Variants in CYP2S1 observed in about 807,000 individuals in gnomAD.
CYP2S1 encodes the protein cytochrome P450 family 2 subfamily S member 1, also known as cytochrome P450 2S1.
A neutral mutation model predicts 43.5 loss-of-function variants in CYP2S1; 32 were observed. The observed-to-expected ratio is 0.74, with a 90% CI of 0.56 to 0.99. CYP2S1 has a LOEUF of 0.99. CYP2S1 is among the 50% of genes least tolerant of loss of function. CYP2S1 has a pLI of 0.00. For missense variants in CYP2S1, 575 were observed against 673.9 expected, an observed-to-expected ratio of 0.85 and a Z score of 1.62; for synonymous variants, 283 against 302.9, an observed-to-expected ratio of 0.93 and a Z score of 0.68.
intron 1 of CYP2S1, 45 bp from the exon 2 acceptor site, chr19:41,194,499 C>T (rs771576619): frequency 1.2e-5 from 18 of 1,507,590 alleles, no homozygotes; most frequent in Admixed American, 2.4e-5. Context: ...CACCTTGGAT[C>T]GAAGAGGTCA....
rs748252886 is a variant in CYP2S1 at position 41,206,486 on chromosome 19, T to C, written c.1513T>C (p.Ter505ArgextTer94). ...CCTTCACTCCACCACGCAGACCAGA[T>C]GAAGGAAGGCAACTTGGAAGTGGTG... ...TDLHSTTQTR[*>R] The change falls in exon 9 of 9, where the codon TGA becomes CGA. Residue 505 changes from the stop codon to arginine, a stop_lost. Transcript: ENST00000310054. 4 of 1,613,956 alleles carry C rather than the reference T, an allele frequency of 2.5e-6. No individual in the cohort carries two copies. The highest frequency in any genetic ancestry group is 2.2e-5 in the East Asian group (1 of 44,872).
At position 41,198,035 on chromosome 19, in the gene CYP2S1, G is replaced by A. The variant is rs2033437539; in HGVS notation, c.493+107G>A. 10 of 1,439,472 alleles carry A rather than the reference G, an allele frequency of 6.9e-6. No homozygotes were observed. Among genetic ancestry groups the A allele is most frequent in the Non-Finnish European group, 9.2e-7 (1 of 1,090,140 alleles). 89.2% of individuals were successfully genotyped at this position (1,439,472 alleles called of 1,614,324 possible). A position where few individuals can be genotyped will look rare whatever the true frequency, so the allele number is the denominator to read the frequency against. ...CCAGGTCCTGGAATGGGCAGGAGGG[G>A]AAGCCTTGAACTCTAGGGCTGGCCT... On this transcript the variant is annotated intron_variant, in intron 3 of 8. Coordinates refer to ENST00000310054, the MANE Select transcript of CYP2S1 (RefSeq NM_030622.8). The surrounding 1 kb of genome is among the most constrained non-coding windows in gnomAD (Gnocchi z 4.9).
intron 7 of CYP2S1, among the ~76,000 whole-genome samples, chr19:41,204,906 T>G (rs1361337610): frequency 1.3e-5 from 2 of 152,070 alleles, no homozygotes; most frequent in Non-Finnish European, 2.9e-5. Flanking sequence ...TACCCCCTCC[T>G]GTTTTGTAGA....
rs10409681 is a variant in CYP2S1 at position 41,201,591 on chromosome 19, G to A, written c.976+219G>A. 4.0e-3 allele frequency among the ~76,000 whole-genome samples: 610 copies of A among 152,152 alleles called. 6 individuals are homozygous for A. The highest frequency in any genetic ancestry group is 0.014 in the African/African-American group (572 of 41,526). On this transcript the variant is annotated intron_variant, in intron 6 of 8. Coordinates refer to ENST00000310054, the MANE Select transcript of CYP2S1 (RefSeq NM_030622.8). Reference sequence around the variant, plus strand: ...GTGGTGGCATGCACTTGTAATCCCAGCACTCAGGTGGCTGAGGAGTGAGAA... The same window carrying A: ...GTGGTGGCATGCACTTGTAATCCCAACACTCAGGTGGCTGAGGAGTGAGAA...
chr19:41,201,978 T>C (rs2033495562), intron 6 of CYP2S1, among the ~76,000 whole-genome samples: 2 of 151,938 alleles, frequency 1.3e-5, no homozygotes, highest in African/African-American at 4.8e-5. Context: ...ATTGGTTTTT[T>C]ATTTTTATTT....
chr19:41,198,100 T>C lies in CYP2S1; in HGVS notation c.493+172T>C, dbSNP rs2033438354. Among the ~76,000 whole-genome samples the C allele has an allele frequency of 6.6e-6, 1 of 152,154 alleles. No homozygotes were observed. Among genetic ancestry groups the C allele is most frequent in the Non-Finnish European group, 1.5e-5 (1 of 68,030 alleles). On this transcript the variant is annotated intron_variant, in intron 3 of 8. Coordinates refer to ENST00000310054, the MANE Select transcript of CYP2S1 (RefSeq NM_030622.8). The surrounding 1 kb of genome is among the most constrained non-coding windows in gnomAD (Gnocchi z 4.9). ...CTGCCACCTTCTGTCTCTGTCCCAC[T>C]GTCTCTCCGAGGCTGTCATGACATC...
intron 5 of CYP2S1, 54 bp from the exon 6 acceptor site, chr19:41,201,177 C>T: frequency 6.3e-7 from 1 of 1,592,396 alleles, no homozygotes; most frequent in Non-Finnish European, 8.6e-7. Flanking sequence ...CTGTTCTGGA[C>T]ATTTACTTCC....
In CYP2S1 at chr19:41,201,123, C is replaced by A; in HGVS notation, c.835-108C>A. The A allele has an allele frequency of 4.9e-6, 7 of 1,419,602 alleles. No homozygotes were observed. In the South Asian group the frequency reaches 7.2e-5, roughly 15 times the overall value. 87.9% of individuals were successfully genotyped at this position (1,419,602 alleles called of 1,614,324 possible). ...CAACCTTCCCAAAAATTTATCTAAA[C>A]CCCGTGACAAAACTTTAACTTGTGT... is the stretch of plus-strand genomic sequence containing the variant. On this transcript the variant is annotated intron_variant, in intron 5 of 8. Coordinates refer to ENST00000310054, the MANE Select transcript of CYP2S1 (RefSeq NM_030622.8).
At chr19:41,203,054 C>T (rs924416011) in intron 6 of CYP2S1, among the ~76,000 whole-genome samples, 35 of 151,578 alleles carry the variant, frequency 2.3e-4, no homozygotes, top group African/African-American at 7.5e-4. Flanking sequence ...AAGCCAGGAT[C>T]GCGCCACTGC....
intron 7 of CYP2S1, among the ~76,000 whole-genome samples, chr19:41,204,047 G>A (rs2033530036): frequency 1.3e-5 from 2 of 151,972 alleles, no homozygotes; most frequent in Admixed American, 1.3e-4. Context: ...ATTTTTAGTA[G>A]ACACGGGGTT....
chr19:41,203,701 C>T (rs961449762), intron 7 of CYP2S1, 64 bp downstream of exon 7: 190 of 1,422,990 alleles, frequency 1.3e-4, no homozygotes, highest in Middle Eastern at 2.6e-4. Context: ...GGGTGGTTTG[C>T]TGTCAGTGTC....
intron 1 of CYP2S1, chr19:41,193,716 G>T (rs1171253080): frequency 8.4e-6 from 4 of 475,900 alleles, no homozygotes; most frequent in Non-Finnish European, 1.3e-5. Context: ...AAGGTGATGG[G>T]CAGGGACCGA....
At chr19:41,205,342 T>TTTCTTTTTTTCTTTCTTTC (rs1555727533) in intron 7 of CYP2S1, among the ~76,000 whole-genome samples, 2 of 111,656 alleles carry the variant, frequency 1.8e-5, no homozygotes, top group Non-Finnish European at 3.5e-5. Context: ...TTCTTTCTTT[T>TTTCTTTTTTTCTTTCTTTC]TTTCTTTCTT....
Position 41,198,828 on chromosome 19 carries a change from C to G in CYP2S1, c.774C>G (p.Asn258Lys). ...GGCAGGTGCAGCAGCACCAGGGGAA[C>G]CTGGATGCTTCGGGCCCCGCACGTG... ...TVRQVQQHQG[N>K]LDASGPARDL... The change falls in exon 5 of 9, where the codon AAC (asparagine) becomes AAG (lysine). Residue 258 changes from asparagine to lysine, a missense_variant. Around this residue, in one of 2 missense-constraint regions of CYP2S1, gnomAD observed 353 missense variants for 367.6 expected, o/e 0.96. Transcript: ENST00000310054. The surrounding 1 kb of genome is among the most constrained non-coding windows in gnomAD (Gnocchi z 4.9). 6.2e-7 allele frequency: 1 copy of G among 1,614,176 alleles called. No individual in the cohort carries two copies. The highest frequency in any genetic ancestry group is 1.3e-5 in the African/African-American group (1 of 75,046).
At position 41,198,637 on chromosome 19, in the gene CYP2S1, C is replaced by A; in HGVS notation, c.654+15C>A. 6.2e-6 allele frequency: 10 copies of A among 1,613,906 alleles called. No homozygotes were observed. Among genetic ancestry groups the A allele is most frequent in the Non-Finnish European group, 6.8e-6 (8 of 1,179,916 alleles). On this transcript the variant is annotated intron_variant, in intron 4 of 8. Coordinates refer to ENST00000310054, the MANE Select transcript of CYP2S1 (RefSeq NM_030622.8). This position sits in a 1 kb window ranked among gnomAD's most constrained non-coding sequence, Gnocchi z 4.9. ...AGGGGGGTCAGGTGAGTGGGTGGGA[C>A]CCCTCTCCAACTACCTTCCCTGAAG... is the stretch of plus-strand genomic sequence containing the variant.
Position 41,206,620 on chromosome 19 carries a change from G to A in CYP2S1, c.*132G>A. The A allele has an allele frequency of 8.6e-7, 1 of 1,168,894 alleles. No homozygotes were observed. 72.4% of individuals were successfully genotyped at this position (1,168,894 alleles called of 1,614,324 possible). ...TTTACACGCCTGCAGTTGTTTTCCGGAGTCTGTCCCACGGCCCACACGCTC... is the reference window on the plus strand; with the variant it reads ...TTTACACGCCTGCAGTTGTTTTCCGAAGTCTGTCCCACGGCCCACACGCTC... On this transcript the variant is annotated 3_prime_UTR_variant, in exon 9 of 9. Coordinates refer to ENST00000310054, the MANE Select transcript of CYP2S1 (RefSeq NM_030622.8).
chr19:41,198,700 TC>T lies in CYP2S1; in HGVS notation c.655-5del. 1 of 1,613,598 alleles carries T rather than the reference TC, an allele frequency of 6.2e-7. No homozygotes were observed. ...GTCCCATGAGAACTAGCTGCCCTTCTCCCCACAGACCTACGAGATGTTCTCC... is the reference window on the plus strand; with the variant it reads ...GTCCCATGAGAACTAGCTGCCCTTCTCCCACAGACCTACGAGATGTTCTCC... On this transcript the variant is annotated splice_region_variant and splice_polypyrimidine_tract_variant and intron_variant, in intron 4 of 8. Transcript: ENST00000310054. The surrounding 1 kb of genome is among the most constrained non-coding windows in gnomAD (Gnocchi z 4.9).
At chr19:41,199,827 G>A (rs1442808112) in intron 5 of CYP2S1, among the ~76,000 whole-genome samples, 10 of 151,990 alleles carry the variant, frequency 6.6e-5, no homozygotes, top group Middle Eastern at 3.4e-3. Context: ...AAAATTAGCC[G>A]GACGTGGTGG....
chr19:41,203,611 C>T lies in CYP2S1; in HGVS notation c.1138C>T (p.Arg380Cys), dbSNP rs72547592. Residue 380 changes from arginine (R) to cysteine (C), a missense_variant, in exon 7 of 9, where the codon CGC becomes TGC. Transcript: ENST00000310054. ...GIPRTLMRTT[R>C]FRGYTLPQGT... ...ACCCCGCACCCTCATGCGGACCACCCGCTTCCGAGGGTACACCCTGCCCCA... is the reference window on the plus strand; with the variant it reads ...ACCCCGCACCCTCATGCGGACCACCTGCTTCCGAGGGTACACCCTGCCCCA... 1,162 of 1,548,520 alleles carry T rather than the reference C, an allele frequency of 7.5e-4. 7 individuals are homozygous for T. Among genetic ancestry groups the T allele is most frequent in the Non-Finnish European group, 2.0e-4 (231 of 1,146,364 alleles).
Sources: gnomAD v4.1 joint callset for allele counts (sites outside exome capture counted in the v4.1 genomes callset) on GRCh38, gnomAD v4.1.1 for gene constraint, gnomAD v4.1.1 regional missense constraint, Gnocchi (gnomAD v3.1) non-coding constraint, MANE v1.5 for transcripts, NCBI Gene and HGNC (gene_info 2026-07-23, HGNC 2026-07-21) for gene names.